Variants in VOPP1 observed in about 807,000 individuals in gnomAD.
The protein encoded by VOPP1 is VOPP1 WW domain binding protein.
A neutral mutation model predicts 23.5 loss-of-function variants in VOPP1; 8 were observed. That is an observed-to-expected ratio of 0.34 (90% confidence interval 0.20 to 0.61). The LOEUF is 0.61. VOPP1 is among the 20% of genes least tolerant of loss of function. The pLI, the probability that VOPP1 is intolerant of heterozygous loss-of-function variation, is 0.78. For synonymous variants in VOPP1, 83 were observed against 97.3 expected, an observed-to-expected ratio of 0.85 and a Z score of 0.86; for missense variants, 174 against 238.1, an observed-to-expected ratio of 0.73 and a Z score of 1.77.
intron 1 of VOPP1, among the ~76,000 whole-genome samples, chr7:55,547,030 C>T (rs796121206): frequency 2.0e-5 from 3 of 152,388 alleles, no homozygotes; most frequent in Admixed American, 6.5e-5. Context: ...ATTCTGCCAA[C>T]CGCCCAGACT....
intron 4 of VOPP1, among the ~76,000 whole-genome samples, chr7:55,458,508 G>A (rs1164662370): frequency 6.6e-6 from 1 of 152,092 alleles, no homozygotes; most frequent in East Asian, 1.9e-4. Context: ...TTTACTTTGG[G>A]TAAACATTTT....
intron 1 of VOPP1, among the ~76,000 whole-genome samples, chr7:55,569,098 G>A (rs754025035): frequency 6.6e-5 from 10 of 152,320 alleles, no homozygotes; most frequent in Non-Finnish European, 1.5e-4. Context: ...GCCCTCACTG[G>A]CTGTGCATGT....
At chr7:55,562,598 G>A (rs1423628191) in intron 1 of VOPP1, among the ~76,000 whole-genome samples, 2 of 152,188 alleles carry the variant, frequency 1.3e-5, no homozygotes, top group South Asian at 2.1e-4. Context: ...CACAGCCAAG[G>A]AGCAGAGTGA....
intron 1 of VOPP1, among the ~76,000 whole-genome samples, chr7:55,552,021 C>CAAAAA (rs202229227): frequency 1.8e-5 from 1 of 55,794 alleles, no homozygotes; most frequent in Non-Finnish European, 3.5e-5. Context: ...AGACTGTGTC[C>CAAAAA]AAAAAAAAAA....
chr7:55,436,146 G>A (rs1170701136), exon 5 of VOPP1: 1 of 152,280 alleles, frequency 6.6e-6, no homozygotes, highest in Non-Finnish European at 1.5e-5. Context: ...GGTGAAGGTG[G>A]TAGTCCCTGT....
chr7:55,534,883 C>T (rs1796692445), intron 1 of VOPP1, among the ~76,000 whole-genome samples: 1 of 152,270 alleles, frequency 6.6e-6, no homozygotes, highest in East Asian at 1.9e-4. Flanking sequence ...TCTTCCCACT[C>T]CATCCACGTG....
intron 1 of VOPP1, among the ~76,000 whole-genome samples, chr7:55,527,434 A>T (rs1796253947): frequency 6.6e-6 from 1 of 152,256 alleles, no homozygotes; most frequent in African/African-American, 2.4e-5. Context: ...ATTCACACAC[A>T]GCCAGCAAAT....
At chr7:55,538,092 G>A (rs1796910283) in intron 1 of VOPP1, among the ~76,000 whole-genome samples, 4 of 152,196 alleles carry the variant, frequency 2.6e-5, no homozygotes, top group Admixed American at 2.6e-4. Context: ...AGGGCTTCGA[G>A]ACACCTCTTT....
At chr7:55,484,042 GCCA>G (rs1174697379) in intron 4 of VOPP1, among the ~76,000 whole-genome samples, 1 of 152,176 alleles carries the variant, frequency 6.6e-6, no homozygotes, top group East Asian at 1.9e-4. Context: ...ACCGGCGAGA[GCCA>G]CCGCACCCAG....
chr7:55,444,815 T>C (rs1190344273), intron 4 of VOPP1, among the ~76,000 whole-genome samples: 1 of 152,160 alleles, frequency 6.6e-6, no homozygotes, highest in Non-Finnish European at 1.5e-5. Context: ...ATACCCTTGA[T>C]TTTCTCTTTA....
At chr7:55,477,372 G>A (rs528408799) in intron 4 of VOPP1, among the ~76,000 whole-genome samples, 119 of 152,310 alleles carry the variant, frequency 7.8e-4, no homozygotes, top group Non-Finnish European at 1.4e-3. Flanking sequence ...GACGAGTGGC[G>A]ACTTGGATCT....
chr7:55,444,120 G>A (rs996178128), intron 4 of VOPP1, among the ~76,000 whole-genome samples: 2 of 152,036 alleles, frequency 1.3e-5, no homozygotes, highest in South Asian at 2.1e-4. Context: ...GACAGCTGCC[G>A]TACCCGGCCG....
At chr7:55,480,888 C>T (rs1792655565) in intron 4 of VOPP1, among the ~76,000 whole-genome samples, 1 of 139,834 alleles carries the variant, frequency 7.2e-6, no homozygotes, top group African/African-American at 2.6e-5. Flanking sequence ...TCTCAGTTCT[C>T]ACGTTACTTG....
intron 1 of VOPP1, among the ~76,000 whole-genome samples, chr7:55,556,044 C>G (rs1797789194): frequency 6.6e-6 from 1 of 152,204 alleles, no homozygotes; most frequent in South Asian, 2.1e-4. Flanking sequence ...GTGCTGGAAG[C>G]CCCTCTGCTG....
At chr7:55,544,702 G>C (rs145094696) in intron 1 of VOPP1, among the ~76,000 whole-genome samples, 40 of 152,172 alleles carry the variant, frequency 2.6e-4, no homozygotes, top group African/African-American at 9.7e-4. Context: ...GAAGGCTTCC[G>C]CAGAGTTGGT....
chr7:55,533,918 CA>C (rs1796632185), intron 1 of VOPP1, among the ~76,000 whole-genome samples: 1 of 152,028 alleles, frequency 6.6e-6, no homozygotes, highest in Non-Finnish European at 1.5e-5. Context: ...TGAAAACACC[CA>C]CAGGAAGGAG....
chr7:55,533,680 G>A (rs1469436544), intron 1 of VOPP1, among the ~76,000 whole-genome samples: 2 of 152,150 alleles, frequency 1.3e-5, no homozygotes, highest in East Asian at 1.9e-4. Flanking sequence ...CCCACCAAAG[G>A]AAAGTCCCCA....
intron 4 of VOPP1, among the ~76,000 whole-genome samples, chr7:55,464,114 TG>T (rs1306669465): frequency 6.6e-6 from 1 of 151,940 alleles, no homozygotes. Context: ...GGCCCTCAGA[TG>T]GTATGTCTGG....
chr7:55,560,846 AATCC>A (rs1457926852), intron 1 of VOPP1, among the ~76,000 whole-genome samples: 33 of 152,130 alleles, frequency 2.2e-4, no homozygotes, highest in Non-Finnish European at 1.5e-5. Flanking sequence ...TTCATTTTCC[AATCC>A]ATCAACCATC....
Sources: gnomAD v4.1 joint callset for allele counts (sites outside exome capture counted in the v4.1 genomes callset) on GRCh38, gnomAD v4.1.1 for gene constraint, MANE v1.5 for transcripts, NCBI Gene and HGNC (gene_info 2026-07-23, HGNC 2026-07-21) for gene names.